CCDC51: variants seen among roughly 807,000 people sequenced by gnomAD.
CCDC51 encodes mitochondrial potassium channel.
In CCDC51, 25 loss-of-function variants were observed where a neutral mutation model predicts 24.8. The observed-to-expected ratio is 1.01, with a 90% CI of 0.73 to 1.41. The LOEUF (loss-of-function observed/expected upper bound fraction) is 1.41, where lower values mean the gene tolerates loss of function less well. Ranked by LOEUF, CCDC51 falls within the 40% of genes most tolerant of loss-of-function variation. The probability of loss-of-function intolerance (pLI) is 0.00; values close to 1 mark genes in which losing one functional copy is unlikely to be tolerated. For missense variants in CCDC51, 466 were observed against 519.1 expected (o/e 0.90, Z 0.99); for synonymous variants, 190 against 204.3 (o/e 0.93, Z 0.60).
At position 48,435,238 on chromosome 3, in the gene CCDC51, C is replaced by G. The variant is rs894911639; in HGVS notation, c.-8-102G>C. Reference sequence around the variant, plus strand: ...AGTTCTGAACAGACTAATCCCCACTCAAATCATCTAAACTGAGCACCACCC... The same window carrying G: ...AGTTCTGAACAGACTAATCCCCACTGAAATCATCTAAACTGAGCACCACCC... On this transcript the variant is annotated intron_variant, in intron 1 of 3. Transcript: ENST00000395694. The surrounding 1 kb of genome is among the most constrained non-coding windows in gnomAD (Gnocchi z 4.2). 5 of 953,048 alleles carry G rather than the reference C, an allele frequency of 5.2e-6. No individual in the cohort carries two copies. The highest frequency in any genetic ancestry group is 2.6e-4 in the Middle Eastern group (1 of 3,800). 59.0% of individuals were successfully genotyped at this position (953,048 alleles called of 1,614,324 possible).
At chr3:48,436,113 A>G (rs1233269758) in intron 1 of CCDC51, among the ~76,000 whole-genome samples, 1 of 152,152 alleles carries the variant, frequency 6.6e-6, no homozygotes, top group Admixed American at 6.5e-5. Context: ...TCCCAGAAAA[A>G]GCTGAGCCAA....
intron 1 of CCDC51, among the ~76,000 whole-genome samples, chr3:48,439,101 A>G (rs1560094171): frequency 6.6e-6 from 1 of 152,062 alleles, no homozygotes; most frequent in Non-Finnish European, 1.5e-5. Context: ...CCTATCAGAT[A>G]TGGCCATCCC....
rs2039400894 is a variant in CCDC51, at chr3:48,437,713, G to A, written c.-9+2275C>T. 6.6e-6 allele frequency among the ~76,000 whole-genome samples: 1 copy of A among 151,948 alleles called. No individual in the cohort carries two copies. Among genetic ancestry groups the A allele is most frequent in the Admixed American group, 6.6e-5 (1 of 15,246 alleles). ...TCCTCATCTTCACTTCCAGCTGATG[G>A]TCTGCTTGCTTCATTTTCCATCAAG... On this transcript the variant is annotated intron_variant, in intron 1 of 3. Coordinates refer to ENST00000395694, the MANE Select transcript of CCDC51 (RefSeq NM_001256964.2). This position sits in a 1 kb window ranked among gnomAD's most constrained non-coding sequence, Gnocchi z 4.2.
chr3:48,435,880 A>G lies in CCDC51; in HGVS notation c.-8-744T>C, dbSNP rs989303128. Reference sequence around the variant, plus strand: ...CCAGGCTACCAACTCTCAGTCTCACACTTCACGACTTCCATAAGCTTTCTC... The same window carrying G: ...CCAGGCTACCAACTCTCAGTCTCACGCTTCACGACTTCCATAAGCTTTCTC... On this transcript the variant is annotated intron_variant, in intron 1 of 3. Coordinates refer to ENST00000395694, the MANE Select transcript of CCDC51 (RefSeq NM_001256964.2). The surrounding 1 kb of genome is among the most constrained non-coding windows in gnomAD (Gnocchi z 4.2). 2.6e-4 allele frequency among the ~76,000 whole-genome samples: 39 copies of G among 152,134 alleles called. 3 individuals carry two copies.
At chr3:48,440,676 C>T (rs777865828), upstream of CCDC51, 22 of 1,556,328 alleles carry the variant, frequency 1.4e-5, no homozygotes, top group Admixed American at 1.8e-4. Flanking sequence ...GCTATGAGCA[C>T]CTATTGGGAT....
rs751172754 is a variant in CCDC51, at chr3:48,432,282, C to T, written c.*126G>A. On this transcript the variant is annotated 3_prime_UTR_variant, in exon 4 of 4. Coordinates refer to ENST00000395694, the MANE Select transcript of CCDC51 (RefSeq NM_001256964.2). ...GCGAAGCATGCCTGCTGGTGAGCCA[C>T]ACAGATACTGCTCCTTCAGATTGAG... The T allele has an allele frequency of 1.1e-5, 12 of 1,127,462 alleles. No homozygotes were observed. Among genetic ancestry groups the T allele is most frequent in the Admixed American group, 2.3e-5 (1 of 42,718 alleles). 69.8% of individuals were successfully genotyped at this position (1,127,462 alleles called of 1,614,324 possible).
rs749370824 is a variant in CCDC51 at position 48,435,253 on chromosome 3, G to A, written c.-8-117C>T. On this transcript the variant is annotated intron_variant, in intron 1 of 3. Coordinates refer to ENST00000395694, the MANE Select transcript of CCDC51 (RefSeq NM_001256964.2). This position sits in a 1 kb window ranked among gnomAD's most constrained non-coding sequence, Gnocchi z 4.2. ...AATCCCCACTCAAATCATCTAAACT[G>A]AGCACCACCCTGTTGGGCCCAGAGA... 99 of 825,220 alleles carry A rather than the reference G, an allele frequency of 1.2e-4. No individual in the cohort carries two copies. Among genetic ancestry groups the A allele is most frequent in the Admixed American group, 3.2e-4 (10 of 31,068 alleles). The allele number at this position is 825,220 out of a possible 1,614,324, so 51.1% of individuals were successfully genotyped here.
upstream of CCDC51, among the ~76,000 whole-genome samples, chr3:48,443,111 G>A (rs1463102694): frequency 2.6e-5 from 4 of 151,832 alleles, no homozygotes; most frequent in East Asian, 7.8e-4. Flanking sequence ...ATGGTGGCAT[G>A]CGCCTTTAGT....
chr3:48,441,514 T>C (rs1244049569), upstream of CCDC51, among the ~76,000 whole-genome samples: 2 of 151,998 alleles, frequency 1.3e-5, no homozygotes, highest in East Asian at 1.9e-4. Flanking sequence ...CTGCTTATAT[T>C]ATCTCTAATA....
At chr3:48,443,787 C>A, upstream of CCDC51, 1 of 1,423,954 alleles carries the variant, frequency 7.0e-7, no homozygotes. Context: ...ACAGCAGGCC[C>A]GTGGGGCTTC....
In CCDC51 at chr3:48,432,600, G is replaced by C; in HGVS notation, c.1044C>G (p.Gly348=). The change falls in exon 4 of 4, where the codon GGC becomes GGG. Residue 348 remains glycine (G), a synonymous_variant. Transcript: ENST00000395694. Reference sequence around the variant, plus strand: ...TAGCCCCGTCTGCTGGTTCCACCAGGCCTGGGTGTGCTGCAGACTTTACAA... The same window carrying C: ...TAGCCCCGTCTGCTGGTTCCACCAGCCCTGGGTGTGCTGCAGACTTTACAA... ...VQLVKSAAHP[G]LVEPADGAMP... 2 of 1,614,230 alleles carry C rather than the reference G, an allele frequency of 1.2e-6. No individual in the cohort carries two copies. The highest frequency in any genetic ancestry group is 1.7e-6 in the Non-Finnish European group (2 of 1,180,046).
upstream of CCDC51, chr3:48,440,136 C>T (rs1217093116): frequency 3.3e-6 from 4 of 1,223,542 alleles, no homozygotes; most frequent in East Asian, 7.5e-5. Context: ...CAGTTGACCT[C>T]TGACCTGTTA....
the CCDC51 span, chr3:48,446,522 C>A: frequency 8.8e-6 from 2 of 228,216 alleles, no homozygotes; most frequent in Non-Finnish European, 1.7e-5. Flanking sequence ...AGGGAGGGAG[C>A]GCAAAGCCAC....
At chr3:48,440,285 GCGGCAGGCGCCATGTCCGGC>G, upstream of CCDC51, 14 of 1,601,752 alleles carry the variant, frequency 8.7e-6, no homozygotes, top group Non-Finnish European at 1.2e-5. Flanking sequence ...TGGGGAAGCG[GCGGCAGGCGCCATGTCCGGC>G]CGCGAAGGTA....
Position 48,432,620 on chromosome 3 carries a change from T to C in CCDC51, c.1024A>G (p.Lys342Glu). 1 of 1,614,262 alleles carries C rather than the reference T, an allele frequency of 6.2e-7. No homozygotes were observed. Among genetic ancestry groups the C allele is most frequent in the Non-Finnish European group, 8.5e-7 (1 of 1,180,050 alleles). The change falls in exon 4 of 4, where the codon AAG (lysine) becomes GAG (glutamate). Residue 342 changes from lysine to glutamate, a missense_variant. Physicochemically the swap from Lys to Glu is moderately conservative, Grantham distance 56. Coordinates refer to ENST00000395694, the MANE Select transcript of CCDC51 (RefSeq NM_001256964.2). ...SQMAGVVQLVKSAAHPGLVEP... is the reference protein window; with the variant it reads ...SQMAGVVQLVESAAHPGLVEP... ...ACCAGGCCTGGGTGTGCTGCAGACT[T>C]TACAAGCTGAACCACCCCAGCCATT...
In CCDC51 at chr3:48,438,252, T is replaced by C. The variant is rs546953787; in HGVS notation, c.-9+1736A>G. ...TGATGGCCATACAACTTTGTGAATA[T>C]AATAAAACCACTGAATTGTACACAT... On this transcript the variant is annotated intron_variant, in intron 1 of 3. Coordinates refer to ENST00000395694, the MANE Select transcript of CCDC51 (RefSeq NM_001256964.2). The C allele has an allele frequency of 7.2e-5, 11 of 152,242 alleles. No individual in the cohort carries two copies. The East Asian group carries it at 1.7e-3, about 24-fold the overall frequency. The allele number at this position is 152,242 out of a possible 1,614,324, so 9.4% of individuals were successfully genotyped here.
chr3:48,433,673 C>T lies in CCDC51; in HGVS notation c.477+34G>A, dbSNP rs1343207846. 2 of 1,599,116 alleles carry T rather than the reference C, an allele frequency of 1.3e-6. No homozygotes were observed. The highest frequency in any genetic ancestry group is 2.7e-5 in the African/African-American group (2 of 74,704). Reference sequence around the variant, plus strand: ...GATCTGCCAGGCTAGGGTCACTGTCCAGGTGCGAAAGGGCTGCCTCCTGAG... The same window carrying T: ...GATCTGCCAGGCTAGGGTCACTGTCTAGGTGCGAAAGGGCTGCCTCCTGAG... On this transcript the variant is annotated intron_variant, in intron 3 of 3. Transcript: ENST00000395694. The surrounding 1 kb of genome is among the most constrained non-coding windows in gnomAD (Gnocchi z 4.4).
At chr3:48,444,519 T>C (rs1438865831), upstream of CCDC51, among the ~76,000 whole-genome samples, 1 of 152,214 alleles carries the variant, frequency 6.6e-6, no homozygotes, top group African/African-American at 2.4e-5. Flanking sequence ...GTGATCTGCC[T>C]GCTTCAGCCT....
upstream of CCDC51, chr3:48,443,839 CT>C: frequency 6.4e-7 from 1 of 1,558,506 alleles, no homozygotes; most frequent in Non-Finnish European, 8.6e-7. Flanking sequence ...GACTATTTTT[CT>C]TTTGCAGCCA....
Sources: allele counts gnomAD v4.1 joint callset (sites outside exome capture counted in the v4.1 genomes callset), GRCh38; gene constraint gnomAD v4.1.1; non-coding constraint Gnocchi (gnomAD v3.1); transcripts MANE v1.5; gene names NCBI Gene and HGNC (gene_info 2026-07-23, HGNC 2026-07-21).